GLYATL2: variants seen among roughly 807,000 people sequenced by gnomAD.
The protein encoded by GLYATL2 is glycine-N-acyltransferase like 2.
Under a neutral mutation model 21.4 loss-of-function variants are expected in GLYATL2, and 25 were observed. The observed-to-expected ratio is 1.17, with a 90% CI of 0.85 to 1.63. The LOEUF (loss-of-function observed/expected upper bound fraction) is 1.63. Ranked by LOEUF, GLYATL2 falls within the 40% of genes most tolerant of loss-of-function variation. The probability of loss-of-function intolerance (pLI) is 0.00; values close to 1 mark genes in which losing one functional copy is unlikely to be tolerated. For missense variants in GLYATL2, 361 were observed against 343.3 expected (o/e 1.05, Z -0.41); for synonymous variants, 114 against 118.2 (o/e 0.96, Z 0.23).
chr11:58,882,775 G>A (rs1008286753), intron 1 of GLYATL2, among the ~76,000 whole-genome samples: 10 of 152,168 alleles, frequency 6.6e-5, no homozygotes, highest in Admixed American at 5.9e-4. Flanking sequence ...GTAAGGAAGG[G>A]ATCCAGTTTC....
intron 1 of GLYATL2, among the ~76,000 whole-genome samples, chr11:58,879,320 GTGCA>G (rs1168980582): frequency 6.6e-6 from 1 of 151,906 alleles, no homozygotes; most frequent in African/African-American, 2.4e-5. Context: ...CCTTGTCCAT[GTGCA>G]TGCATATTTT....
intron 1 of GLYATL2, among the ~76,000 whole-genome samples, chr11:58,875,515 C>A (rs1218102774): frequency 6.6e-6 from 1 of 152,066 alleles, no homozygotes; most frequent in Admixed American, 6.6e-5. Context: ...CATTTGCTTG[C>A]CTGTAAAGTA....
intron 1 of GLYATL2, among the ~76,000 whole-genome samples, chr11:58,898,365 T>C (rs1854669728): frequency 6.6e-6 from 1 of 152,194 alleles, no homozygotes; most frequent in African/African-American, 2.4e-5. Flanking sequence ...CTCTTCTATT[T>C]AAAGAACCCT....
intron 1 of GLYATL2, among the ~76,000 whole-genome samples, chr11:58,876,459 G>T (rs1854234975): frequency 6.6e-6 from 1 of 152,196 alleles, no homozygotes; most frequent in South Asian, 2.1e-4. Context: ...ACATACAGAT[G>T]GGTTTTTGGT....
chr11:58,879,410 C>G (rs522685), intron 1 of GLYATL2, among the ~76,000 whole-genome samples: 1 of 152,184 alleles, frequency 6.6e-6, no homozygotes, highest in Admixed American at 6.5e-5. Flanking sequence ...ATAGTCTTCA[C>G]AGTGACAATT....
chr11:58,905,271 A>G (rs1341701155), upstream of GLYATL2: 1 of 362,812 alleles, frequency 2.8e-6, no homozygotes, highest in African/African-American at 2.1e-5. Flanking sequence ...GGAGCAGGCC[A>G]AGTCCCTCTA....
At chr11:58,840,521 A>G (rs1010549723) in intron 1 of GLYATL2, among the ~76,000 whole-genome samples, 10 of 152,144 alleles carry the variant, frequency 6.6e-5, no homozygotes, top group African/African-American at 2.4e-4. Flanking sequence ...AGTCAGGAAA[A>G]CATATGATGT....
chr11:58,867,102 T>A (rs75625668), intron 1 of GLYATL2, among the ~76,000 whole-genome samples: 1,513 of 149,138 alleles, frequency 0.01, 123 homozygotes, highest in Non-Finnish European at 0.017. Flanking sequence ...TCCCATTCCC[T>A]GCCATGAGCA....
intron 1 of GLYATL2, among the ~76,000 whole-genome samples, chr11:58,852,726 G>T (rs1408697980): frequency 6.6e-6 from 1 of 152,170 alleles, no homozygotes; most frequent in African/African-American, 2.4e-5. Context: ...CATATTATCT[G>T]CCAGTTTCCT....
At chr11:58,892,846 A>T in intron 1 of GLYATL2, 4 of 322,386 alleles carry the variant, frequency 1.2e-5, no homozygotes, top group Admixed American at 3.7e-5. Context: ...AGAGGTACAA[A>T]AACAGGTGCT....
chr11:58,861,096 A>G (rs1246252630), intron 1 of GLYATL2, among the ~76,000 whole-genome samples: 1 of 152,070 alleles, frequency 6.6e-6, no homozygotes, highest in African/African-American at 2.4e-5. Flanking sequence ...AGGGTTAACA[A>G]CAACTTTGTA....
At chr11:58,850,019 G>A (rs1444861623) in intron 1 of GLYATL2, among the ~76,000 whole-genome samples, 1 of 152,062 alleles carries the variant, frequency 6.6e-6, no homozygotes, top group Non-Finnish European at 1.5e-5. Context: ...CATTCTATGA[G>A]GCAAATATTA....
intron 1 of GLYATL2, among the ~76,000 whole-genome samples, chr11:58,893,903 A>T (rs2134624104): frequency 6.6e-6 from 1 of 152,340 alleles, no homozygotes; most frequent in Non-Finnish European, 1.5e-5. Flanking sequence ...TTTATGAGGC[A>T]ATGGCTCATA....
At chr11:58,876,057 T>C (rs183346779) in intron 1 of GLYATL2, among the ~76,000 whole-genome samples, 231 of 152,354 alleles carry the variant, frequency 1.5e-3, no homozygotes, top group African/African-American at 5.3e-3. Flanking sequence ...CCATCACTGA[T>C]ACCCTTTCTT....
upstream of GLYATL2, among the ~76,000 whole-genome samples, chr11:58,906,180 A>G (rs1340159044): frequency 5.9e-5 from 9 of 152,172 alleles, no homozygotes; most frequent in Admixed American, 5.9e-4. Flanking sequence ...AGTAGACAGA[A>G]GGATCTCAGC....
chr11:58,846,957 G>GA, upstream of GLYATL2, among the ~76,000 whole-genome samples: 1 of 152,060 alleles, frequency 6.6e-6, no homozygotes, highest in East Asian at 1.9e-4. Flanking sequence ...GAATGAAAAA[G>GA]AAACAGTAAG....
intron 1 of GLYATL2, among the ~76,000 whole-genome samples, chr11:58,895,105 C>T (rs545362388): frequency 2.6e-5 from 4 of 152,314 alleles, no homozygotes; most frequent in African/African-American, 9.6e-5. Context: ...CAGCTGGCAG[C>T]TTCCCTCCTC....
At chr11:58,862,828 C>CT (rs34882979) in intron 1 of GLYATL2, among the ~76,000 whole-genome samples, 2,118 of 151,564 alleles carry the variant, frequency 0.014, 57 homozygotes, top group African/African-American at 0.049. Flanking sequence ...ATTGGTTATT[C>CT]TTTTTTTTTT....
intron 5 of GLYATL2, 73 bp from the exon 6 acceptor site, chr11:58,834,910 A>C: frequency 8.6e-7 from 1 of 1,159,392 alleles, no homozygotes; most frequent in Non-Finnish European, 1.2e-6. Context: ...AATAAATATA[A>C]CACCATTCCT....
Sources: allele counts gnomAD v4.1 joint callset (sites outside exome capture counted in the v4.1 genomes callset), GRCh38; gene constraint gnomAD v4.1.1; transcripts MANE v1.5; gene names NCBI Gene and HGNC (gene_info 2026-07-23, HGNC 2026-07-21).